The following RBFOX2 variants were observed in gnomAD, a reference collection of about 807,000 sequenced individuals.
The protein encoded by RBFOX2 is RNA binding fox-1 homolog 2, also known as RNA binding protein fox-1 homolog 2.
In RBFOX2, 10 loss-of-function variants were observed where a neutral mutation model predicts 49.1. The ratio of observed to expected loss-of-function variants is 0.20; its 90% CI spans 0.13 to 0.35. RBFOX2 has a LOEUF of 0.35. RBFOX2 is among the 10% of genes least tolerant of loss of function. RBFOX2 has a pLI of 1.00. For missense variants in RBFOX2, 323 were observed against 486.9 expected (o/e 0.66, Z 3.17); for synonymous variants, 183 against 187.4 (o/e 0.98, Z 0.19).
At chr22:35,907,068 A>C (rs1230328830) in intron 1 of RBFOX2, among the ~76,000 whole-genome samples, 1 of 152,230 alleles carries the variant, frequency 6.6e-6, no homozygotes, top group African/African-American at 2.4e-5. Context: ...GGGAAGCCGC[A>C]GAATGGTCTT....
chr22:35,846,494 C>T lies in RBFOX2; in HGVS notation c.-33-36490G>A, dbSNP rs184695194. On this transcript the variant is annotated intron_variant, in intron 1 of 13. Coordinates refer to the RBFOX2 transcript ENST00000359369. ...CCTTTAGGCTGGGCATAGTGGCTCA[C>T]GCCTGTAATTTGGGAGGCCGAGGAG... Among the ~76,000 whole-genome samples the T allele has an allele frequency of 4.6e-3, 699 of 151,738 alleles. 1 individual carries two copies. The highest frequency in any genetic ancestry group is 6.9e-3 in the Non-Finnish European group (468 of 67,932).
At chr22:35,801,122 A>T (rs1949704753) in intron 2 of RBFOX2, among the ~76,000 whole-genome samples, 1 of 152,216 alleles carries the variant, frequency 6.6e-6, no homozygotes, top group African/African-American at 2.4e-5. Context: ...TATATCCCAA[A>T]GGGATATTTT....
chr22:35,779,307 C>T (rs1020155724), intron 3 of RBFOX2, among the ~76,000 whole-genome samples: 4 of 152,124 alleles, frequency 2.6e-5, no homozygotes, highest in Non-Finnish European at 4.4e-5. Context: ...GTATTGGAGT[C>T]ATACCTGATT....
At chr22:35,949,074 C>T (rs939766998) in intron 1 of RBFOX2, among the ~76,000 whole-genome samples, 4 of 152,282 alleles carry the variant, frequency 2.6e-5, no homozygotes, top group South Asian at 2.1e-4. Flanking sequence ...TATTTATTTG[C>T]GCCGTGACAT....
intron 4 of RBFOX2, chr22:35,777,767 T>A (rs1163141481): frequency 2.1e-6 from 1 of 471,740 alleles, no homozygotes; most frequent in Non-Finnish European, 3.7e-6. Context: ...ATCTCCTACA[T>A]CCTGTGTTCT....
intron 1 of RBFOX2, among the ~76,000 whole-genome samples, chr22:35,880,362 G>A (rs971189301): frequency 6.6e-6 from 1 of 152,126 alleles, no homozygotes; most frequent in African/African-American, 2.4e-5. Flanking sequence ...GGCAGAGGAA[G>A]GCAAGTAAAG....
intron 11 of RBFOX2, 70 bp downstream of exon 13, chr22:35,745,853 T>C: frequency 6.9e-7 from 1 of 1,453,246 alleles, no homozygotes; most frequent in Non-Finnish European, 9.6e-7. Flanking sequence ...CCTCCCTAGA[T>C]CTTCTGTAGT....
chr22:35,861,050 T>C lies in RBFOX2; in HGVS notation c.-33-51046A>G, dbSNP rs191867827. Among the ~76,000 whole-genome samples the C allele has an allele frequency of 4.6e-5, 7 of 152,242 alleles. No individual in the cohort carries two copies. The East Asian group carries it at 1.2e-3, about 25-fold the overall frequency. ...TGAAACAGAATAGAAAGTCCAGAAA[T>C]AGATCCACAGGTGCAAACGGAATTC... On this transcript the variant is annotated intron_variant, in intron 1 of 13. Coordinates refer to the RBFOX2 transcript ENST00000359369.
intron 2 of RBFOX2, among the ~76,000 whole-genome samples, chr22:35,804,572 G>A (rs1221344471): frequency 6.6e-6 from 1 of 152,088 alleles, no homozygotes. Context: ...ACAATCAGCT[G>A]ACTCCCATGG....
intron 5 of RBFOX2, 107 bp from the exon 7 acceptor site, chr22:35,765,590 G>A (rs1940696175): frequency 1.9e-6 from 1 of 527,930 alleles, no homozygotes; most frequent in Admixed American, 3.9e-5. Context: ...GTAAATTTCT[G>A]AGAGCAGTGA....
intron 1 of RBFOX2, among the ~76,000 whole-genome samples, chr22:36,021,823 G>C (rs901374433): frequency 1.3e-5 from 2 of 152,212 alleles, no homozygotes; most frequent in Non-Finnish European, 2.9e-5. Flanking sequence ...ATCAGCATCA[G>C]CCAATGGGTT....
At chr22:35,807,971 A>C (rs569630201) in intron 2 of RBFOX2, among the ~76,000 whole-genome samples, 17 of 152,166 alleles carry the variant, frequency 1.1e-4, no homozygotes, top group Non-Finnish European at 2.1e-4. Context: ...CAAAATTGAC[A>C]ATTTATATGA....
chr22:35,937,687 T>C lies in RBFOX2; in HGVS notation c.-34+1160A>G, dbSNP rs1210657512. Among the ~76,000 whole-genome samples the C allele has an allele frequency of 2.0e-5, 3 of 152,152 alleles. No homozygotes were observed. The East Asian group carries it at 5.8e-4, about 29-fold the overall frequency. On this transcript the variant is annotated intron_variant, in intron 1 of 13. Transcript: ENST00000359369. ...CTCACTGCAACCTCTACCTCCCCAG[T>C]TCAAGCAATTCTCCTGCCTCAGCCT...
At chr22:35,779,661 G>A (rs945901168) in intron 3 of RBFOX2, among the ~76,000 whole-genome samples, 4 of 152,060 alleles carry the variant, frequency 2.6e-5, no homozygotes, top group Non-Finnish European at 4.4e-5. Context: ...TCCTTTTATG[G>A]TTAAGACGAA....
chr22:35,951,873 A>G (rs1216044150), intron 1 of RBFOX2, among the ~76,000 whole-genome samples: 8 of 152,292 alleles, frequency 5.3e-5, no homozygotes, highest in African/African-American at 1.9e-4. Context: ...ACCTAAGAAC[A>G]TATTTTTTAA....
intron 1 of RBFOX2, among the ~76,000 whole-genome samples, chr22:35,859,860 G>C (rs2149073575): frequency 6.6e-6 from 1 of 152,272 alleles, no homozygotes; most frequent in South Asian, 2.1e-4. Flanking sequence ...ACTGTGCCTA[G>C]CCATTAGTTA....
intron 1 of RBFOX2, among the ~76,000 whole-genome samples, chr22:35,902,407 C>T (rs1021849360): frequency 6.6e-6 from 1 of 152,180 alleles, no homozygotes; most frequent in Non-Finnish European, 1.5e-5. Context: ...TCTGCCTTTT[C>T]TAGTGCCTAT....
At chr22:35,927,137 G>A (rs2051741478) in intron 1 of RBFOX2, among the ~76,000 whole-genome samples, 1 of 152,136 alleles carries the variant, frequency 6.6e-6, no homozygotes, top group Non-Finnish European at 1.5e-5. Flanking sequence ...TAAACGATTT[G>A]AAACAATCAG....
intron 1 of RBFOX2, among the ~76,000 whole-genome samples, chr22:36,025,582 T>A (rs999713167): frequency 3.3e-5 from 5 of 152,180 alleles, no homozygotes; most frequent in Admixed American, 3.3e-4. Flanking sequence ...AAATGTTAGT[T>A]CAATGAATAA....
Sources: allele counts gnomAD v4.1 joint callset (sites outside exome capture counted in the v4.1 genomes callset), GRCh38; gene constraint gnomAD v4.1.1; transcripts MANE v1.5; gene names NCBI Gene and HGNC (gene_info 2026-07-23, HGNC 2026-07-21).